The following OR1L8 variants were observed in gnomAD, a reference collection of about 807,000 sequenced individuals.
OR1L8 encodes the protein olfactory receptor family 1 subfamily L member 8.
For missense variants in OR1L8, 330 were observed against 377.4 expected, an observed-to-expected ratio of 0.87 and a Z score of 1.04; for synonymous variants, 148 against 147.0, an observed-to-expected ratio of 1.01 and a Z score of -0.05.
the OR1L8 span, among the ~76,000 whole-genome samples, chr9:122,552,079 T>TCTCTCTCTCACACACA: frequency 2.8e-5 from 4 of 142,100 alleles, no homozygotes; most frequent in African/African-American, 1.1e-4. Flanking sequence ...TCTCTCTCTC[T>TCTCTCTCTCACACACA]CACACACACA....
At chr9:122,554,143 G>GAA in the OR1L8 span, 2 of 1,610,932 alleles carry the variant, frequency 1.2e-6, no homozygotes, top group African/African-American at 2.7e-5. Context: ...TTTGTCAGTG[G>GAA]AAAAACATTC....
At chr9:122,582,964 A>T (rs1438086873) in intron 1 of OR1L8, among the ~76,000 whole-genome samples, 1 of 152,146 alleles carries the variant, frequency 6.6e-6, no homozygotes, top group Non-Finnish European at 1.5e-5. Context: ...GAGCTAAATC[A>T]TATAGATTAT....
chr9:122,552,054 T>C, the OR1L8 span, among the ~76,000 whole-genome samples: 42 of 75,248 alleles, frequency 5.6e-4, no homozygotes, highest in African/African-American at 2.1e-3. Flanking sequence ...CACACACACA[T>C]ACACTCTCTC....
chr9:122,568,331 G>A lies in OR1L8; in HGVS notation c.147C>T (p.Ala49=). 1 of 1,614,120 alleles carries A rather than the reference G, an allele frequency of 6.2e-7. No homozygotes were observed. Residue 49 remains alanine, a synonymous_variant, in exon 5 of 5, where the codon GCC becomes GCT. Transcript: ENST00000641027. ...TITGNLLIIL[A]IRFNPHLQTP... ...TCTGAAGATGGGGGTTGAAGCGAAT[G>A]GCCAGGATGATGAGCAGGTTCCCTG... is the stretch of plus-strand genomic sequence containing the variant.
chr9:122,559,825 T>C, the OR1L8 span, among the ~76,000 whole-genome samples: 3 of 151,826 alleles, frequency 2.0e-5, no homozygotes, highest in African/African-American at 7.2e-5. Context: ...AGTTCTGAGT[T>C]CTGTCGACGT....
chr9:122,546,982 G>T, the OR1L8 span, among the ~76,000 whole-genome samples: 1 of 151,972 alleles, frequency 6.6e-6, no homozygotes, highest in Admixed American at 6.6e-5. Context: ...CTAGCTACTT[G>T]AAACTATGTA....
In OR1L8 at chr9:122,568,435, G is replaced by A. The variant is rs75296357; in HGVS notation, c.43C>T (p.Leu15Phe). 5,732 of 1,610,308 alleles carry A rather than the reference G, an allele frequency of 3.6e-3. 165 individuals carry two copies. In the African/African-American group the frequency reaches 0.064, roughly 18 times the overall value. ...TCAGGCCGGGAGGAGAGTCCCAGGA[G>A]GATAAACTCGGAGACACTGCTGGTG... ...NHTSSVSEFI[L>F]LGLSSRPEDQ... The change falls in exon 5 of 5, where the codon CTC becomes TTC. Residue 15 changes from leucine to phenylalanine, a missense_variant. Coordinates refer to ENST00000641027, the MANE Select transcript of OR1L8 (RefSeq NM_001004454.2).
chr9:122,579,412 G>A (rs1829711006), intron 1 of OR1L8, among the ~76,000 whole-genome samples: 1 of 152,024 alleles, frequency 6.6e-6, no homozygotes, highest in South Asian at 2.1e-4. Flanking sequence ...AGATTGCTTT[G>A]GAGATAAAGT....
intron 4 of OR1L8, among the ~76,000 whole-genome samples, chr9:122,569,246 T>C (rs1163392328): frequency 1.3e-5 from 2 of 152,218 alleles, no homozygotes; most frequent in African/African-American, 4.8e-5. Context: ...TTTCCCTTCT[T>C]TAATTCTCTG....
At chr9:122,572,060 T>C (rs1355428342) in intron 4 of OR1L8, among the ~76,000 whole-genome samples, 1 of 152,188 alleles carries the variant, frequency 6.6e-6, no homozygotes, top group Non-Finnish European at 1.5e-5. Flanking sequence ...GCATCTTACA[T>C]GGCAGGAGCA....
At chr9:122,552,071 T>TGTCACACACACACACATACA in the OR1L8 span, among the ~76,000 whole-genome samples, 2 of 116,976 alleles carry the variant, frequency 1.7e-5, no homozygotes, top group Non-Finnish European at 4.0e-5. Context: ...TCTCTCTCTC[T>TGTCACACACACACACATACA]CTCTCTCTCA....
At chr9:122,580,843 T>A (rs2118751827) in intron 1 of OR1L8, among the ~76,000 whole-genome samples, 1 of 149,136 alleles carries the variant, frequency 6.7e-6, no homozygotes, top group South Asian at 2.2e-4. Flanking sequence ...ACACTGTGGA[T>A]CAATAAAACT....
chr9:122,553,747 A>G, the OR1L8 span: 1 of 1,613,346 alleles, frequency 6.2e-7, no homozygotes, highest in Non-Finnish European at 8.5e-7. Context: ...GCCATCCCTC[A>G]TTTCTATTGT....
At chr9:122,546,758 A>G in the OR1L8 span, among the ~76,000 whole-genome samples, 3 of 152,218 alleles carry the variant, frequency 2.0e-5, no homozygotes, top group African/African-American at 7.2e-5. Flanking sequence ...TGTAAGAATA[A>G]TGGAAGAATA....
chr9:122,557,364 A>G, the OR1L8 span, among the ~76,000 whole-genome samples: 1 of 152,074 alleles, frequency 6.6e-6, no homozygotes, highest in African/African-American at 2.4e-5. Context: ...AGTTTTTAAA[A>G]TAGATATCCT....
the OR1L8 span, among the ~76,000 whole-genome samples, chr9:122,555,903 T>C: frequency 2.0e-5 from 3 of 152,216 alleles, no homozygotes; most frequent in Admixed American, 6.5e-5. Flanking sequence ...ATAGTTTACA[T>C]TGGAGTTCAT....
chr9:122,553,608 C>A, the OR1L8 span: 1 of 1,614,138 alleles, frequency 6.2e-7, no homozygotes. Context: ...CTGCCAACCA[C>A]TCCATTACAG....
In OR1L8 at chr9:122,568,097, GA is replaced by G. The variant is rs1437744729; in HGVS notation, c.380del (p.Val127AlafsTer11). On this transcript the variant is annotated frameshift_variant, in exon 5 of 5. Transcript: ENST00000641027. LOFTEE classifies it low-confidence loss of function (END_TRUNC). ...AVMAFDRYVA[V>X]CDPFHYVTTM... Reference sequence around the variant, plus strand: ...TGGTGACATAGTGGAAAGGGTCACAGACGGCCACATAGCGGTCAAAGGCCAT... The same window carrying G: ...TGGTGACATAGTGGAAAGGGTCACAGCGGCCACATAGCGGTCAAAGGCCAT... The G allele has an allele frequency of 6.2e-7, 1 of 1,613,962 alleles. No individual in the cohort carries two copies. The highest frequency in any genetic ancestry group is 8.5e-7 in the Non-Finnish European group (1 of 1,179,990).
At chr9:122,548,293 A>T in the OR1L8 span, among the ~76,000 whole-genome samples, 9 of 152,328 alleles carry the variant, frequency 5.9e-5, no homozygotes, top group Admixed American at 5.9e-4. Flanking sequence ...GACTAGAAAG[A>T]TAAGGATTAG....
Sources: allele counts gnomAD v4.1 joint callset (sites outside exome capture counted in the v4.1 genomes callset), GRCh38; gene constraint gnomAD v4.1.1; transcripts MANE v1.5; gene names NCBI Gene and HGNC (gene_info 2026-07-23, HGNC 2026-07-21).